CDH20: variants seen among roughly 807,000 people sequenced by gnomAD.
CDH20 encodes the protein cadherin-20.
Under a neutral mutation model 74.2 loss-of-function variants are expected in CDH20, and 29 were observed. The ratio of observed to expected loss-of-function variants is 0.39; its 90% confidence interval spans 0.29 to 0.53. CDH20 has a LOEUF of 0.53. CDH20 is among the 20% of genes least tolerant of loss of function. The pLI is 0.69. For synonymous variants in CDH20, 469 were observed against 405.4 expected, an observed-to-expected ratio of 1.16 and a Z score of -1.88; for missense variants, 988 against 1,048.3, an observed-to-expected ratio of 0.94 and a Z score of 0.79.
intron 7 of CDH20, among the ~76,000 whole-genome samples, chr18:61,528,565 A>C (rs1434239949): frequency 2.6e-5 from 4 of 151,768 alleles, no homozygotes; most frequent in Non-Finnish European, 5.9e-5. Flanking sequence ...CTGTGCACTG[A>C]ACCATGTTTA....
chr18:61,527,012 C>A (rs1336397226), intron 6 of CDH20, among the ~76,000 whole-genome samples: 1 of 152,116 alleles, frequency 6.6e-6, no homozygotes, highest in Non-Finnish European at 1.5e-5. Context: ...GAAACCCTGT[C>A]TCTACTAAAA....
chr18:61,380,076 G>A (rs1298457024), intron 1 of CDH20, among the ~76,000 whole-genome samples: 1 of 152,254 alleles, frequency 6.6e-6, no homozygotes, highest in South Asian at 2.1e-4. Context: ...CAAGACTGTC[G>A]ATTTAGAGTT....
intron 1 of CDH20, among the ~76,000 whole-genome samples, chr18:61,437,825 T>C (rs1908887214): frequency 6.6e-6 from 1 of 152,176 alleles, no homozygotes; most frequent in African/African-American, 2.4e-5. Context: ...TCAGTGTAGA[T>C]TTTATTTCTT....
intron 1 of CDH20, among the ~76,000 whole-genome samples, chr18:61,362,924 G>A (rs1910747854): frequency 6.6e-6 from 1 of 151,998 alleles, no homozygotes; most frequent in South Asian, 2.1e-4. Flanking sequence ...AATGCATTAG[G>A]AGCAAAATCA....
chr18:61,520,979 C>A (rs1024591404), intron 6 of CDH20, among the ~76,000 whole-genome samples: 6 of 150,988 alleles, frequency 4.0e-5, no homozygotes, highest in Admixed American at 6.6e-5. Flanking sequence ...TGGGAAAGAT[C>A]TAAAATCAAC....
At chr18:61,488,876 T>A (rs1400615925) in intron 1 of CDH20, among the ~76,000 whole-genome samples, 1 of 152,224 alleles carries the variant, frequency 6.6e-6, no homozygotes, top group South Asian at 2.1e-4. Flanking sequence ...CAGAGAAACA[T>A]GAACTGGGCT....
intron 2 of CDH20, among the ~76,000 whole-genome samples, chr18:61,496,469 A>T (rs1331656121): frequency 6.6e-6 from 1 of 151,642 alleles, no homozygotes; most frequent in Non-Finnish European, 1.5e-5. Context: ...TTCATTGCGC[A>T]CTTACAAGAC....
chr18:61,460,036 T>A (rs1375152279), intron 1 of CDH20, among the ~76,000 whole-genome samples: 1 of 152,202 alleles, frequency 6.6e-6, no homozygotes, highest in African/African-American at 2.4e-5. Flanking sequence ...CTCTGTGTGA[T>A]GTTATTGGAT....
intron 8 of CDH20, among the ~76,000 whole-genome samples, 178 bp from the exon 9 acceptor site, chr18:61,538,846 A>G (rs1912925235): frequency 6.6e-6 from 1 of 151,668 alleles, no homozygotes; most frequent in Admixed American, 6.6e-5. Flanking sequence ...GTTATCCAGG[A>G]TGGTCTCGAT....
At chr18:61,337,126 A>G (rs1012532886) in intron 1 of CDH20, among the ~76,000 whole-genome samples, 2 of 152,230 alleles carry the variant, frequency 1.3e-5, no homozygotes, top group Non-Finnish European at 1.5e-5. Context: ...AGAGAGAAAT[A>G]GAAAAGTAGC....
At chr18:61,470,506 C>A (rs1021324419) in intron 1 of CDH20, among the ~76,000 whole-genome samples, 2 of 152,072 alleles carry the variant, frequency 1.3e-5, no homozygotes, top group Non-Finnish European at 1.5e-5. Flanking sequence ...CAAAAGGAGA[C>A]CCTGCTTTTC....
chr18:61,405,070 C>T, intron 1 of CDH20: 1 of 672,400 alleles, frequency 1.5e-6, no homozygotes, highest in South Asian at 1.4e-5. Flanking sequence ...CAGAGAATGA[C>T]CAATTTTGCT....
chr18:61,382,616 G>GT, intron 1 of CDH20, among the ~76,000 whole-genome samples: 1 of 152,224 alleles, frequency 6.6e-6, no homozygotes, highest in South Asian at 2.1e-4. Context: ...CAAAATTCTG[G>GT]TTTTTCTTCC....
chr18:61,355,453 G>A (rs761502991), intron 1 of CDH20, among the ~76,000 whole-genome samples: 2 of 152,188 alleles, frequency 1.3e-5, no homozygotes, highest in Admixed American at 6.5e-5. Flanking sequence ...CTACGTTTTA[G>A]TATTTACACA....
At chr18:61,364,894 T>C (rs1052613195) in intron 1 of CDH20, among the ~76,000 whole-genome samples, 1 of 152,218 alleles carries the variant, frequency 6.6e-6, no homozygotes, top group Non-Finnish European at 1.5e-5. Context: ...GTTTGAGAAA[T>C]GAGTCATTCT....
chr18:61,450,163 A>G (rs1317987788), intron 1 of CDH20, among the ~76,000 whole-genome samples: 1 of 152,054 alleles, frequency 6.6e-6, no homozygotes, highest in African/African-American at 2.4e-5. Flanking sequence ...CAATAACCCT[A>G]TTAAATAGGT....
intron 1 of CDH20, among the ~76,000 whole-genome samples, chr18:61,457,801 C>T (rs9965245): frequency 0.55 from 82,812 of 151,914 alleles, 23,753 homozygotes; most frequent in African/African-American, 0.73. Flanking sequence ...ACAGAGAAAG[C>T]TGAGAATTCT....
chr18:61,356,850 G>T (rs148689161), intron 1 of CDH20, among the ~76,000 whole-genome samples: 1 of 152,104 alleles, frequency 6.6e-6, no homozygotes, highest in Non-Finnish European at 1.5e-5. Flanking sequence ...ACTAATTAAC[G>T]TTCATCATCG....
chr18:61,382,782 G>A (rs1189726393), intron 1 of CDH20, among the ~76,000 whole-genome samples: 3 of 152,178 alleles, frequency 2.0e-5, no homozygotes, highest in African/African-American at 7.2e-5. Flanking sequence ...TGATAGCAGG[G>A]AAGCTTAAGG....
Sources: gnomAD v4.1 joint callset for allele counts (sites outside exome capture counted in the v4.1 genomes callset) on GRCh38, gnomAD v4.1.1 for gene constraint, MANE v1.5 for transcripts, NCBI Gene and HGNC (gene_info 2026-07-23, HGNC 2026-07-21) for gene names.